Variants in PCDHA2 observed in about 807,000 individuals in gnomAD.
The protein encoded by PCDHA2 is protocadherin alpha-2.
A neutral mutation model predicts 66.0 loss-of-function variants in PCDHA2; 58 were observed. The ratio of observed to expected loss-of-function variants is 0.88; its 90% confidence interval spans 0.71 to 1.09. The LOEUF (loss-of-function observed/expected upper bound fraction) is 1.09. Ranked by LOEUF, PCDHA2 falls within the 50% of genes least tolerant of loss-of-function variation. The pLI is 0.00. For missense variants in PCDHA2, 1,267 were observed against 1,242.3 expected (o/e 1.02, Z -0.30); for synonymous variants, 634 against 554.0 (o/e 1.14, Z -2.03).
intron 1 of PCDHA2, among the ~76,000 whole-genome samples, chr5:140,925,482 A>G (rs1238702660): frequency 2.0e-5 from 3 of 152,088 alleles, no homozygotes; most frequent in Admixed American, 6.6e-5. Flanking sequence ...TTCTCATAGA[A>G]CTGATCACTG....
In PCDHA2 at chr5:140,857,433, T is replaced by C. The variant is rs2044590478; in HGVS notation, c.2388+60081T>C. On this transcript the variant is annotated intron_variant, in intron 1 of 3. Transcript: ENST00000526136. ...TTCGCGCAGTCCGAGTACACGGTGTTCGTGAAGGAGAACAACCCGCCAGGC... is the reference window on the plus strand; with the variant it reads ...TTCGCGCAGTCCGAGTACACGGTGTCCGTGAAGGAGAACAACCCGCCAGGC... 2.5e-6 allele frequency: 4 copies of C among 1,598,232 alleles called. 1 individual carries two copies. Among genetic ancestry groups the C allele is most frequent in the Non-Finnish European group, 3.4e-6 (4 of 1,167,768 alleles).
Position 140,843,333 on chromosome 5 carries a change from A to G in PCDHA2, c.2388+45981A>G, listed in dbSNP as rs2150357637. 2.5e-6 allele frequency: 4 copies of G among 1,596,000 alleles called. No homozygotes were observed. The Admixed American group carries it at 5.1e-5, about 20-fold the overall frequency. ...GCCACGGTTCTGGTGTCGCTGGTGG[A>G]GAGCGGCCAGGCTCCAAAAGCGTCA... On this transcript the variant is annotated intron_variant, in intron 1 of 3. Transcript: ENST00000526136.
chr5:140,944,316 T>C lies in PCDHA2; in HGVS notation c.2389-34633T>C, dbSNP rs140163712. On this transcript the variant is annotated intron_variant, in intron 1 of 3. Coordinates refer to ENST00000526136, the MANE Select transcript of PCDHA2 (RefSeq NM_018905.3). ...GATCCTCCTACCTCAGCCTCCTGAG[T>C]AGCTGGGATTACAAGCACGTGCCAC... 4.3e-3 allele frequency among the ~76,000 whole-genome samples: 654 copies of C among 152,070 alleles called. 5 individuals carry two copies. The highest frequency in any genetic ancestry group is 5.5e-3 in the Non-Finnish European group (376 of 67,970).
chr5:140,878,313 AT>A (rs2057535405), intron 1 of PCDHA2, among the ~76,000 whole-genome samples: 1 of 152,186 alleles, frequency 6.6e-6, no homozygotes, highest in Non-Finnish European at 1.5e-5. Flanking sequence ...CAATCTAGAC[AT>A]TTTCACATTA....
chr5:140,847,731 T>C lies in PCDHA2; in HGVS notation c.2388+50379T>C, dbSNP rs1031856254. ...GTATAAATGCTACAAAAGAGAAAAA[T>C]ATATTTTCTCCCCACGCAACACAAG... On this transcript the variant is annotated intron_variant, in intron 1 of 3. Coordinates refer to ENST00000526136, the MANE Select transcript of PCDHA2 (RefSeq NM_018905.3). 2.7e-5 allele frequency: 4 copies of C among 149,230 alleles called. No homozygotes were observed. The East Asian group carries it at 7.8e-4, about 29-fold the overall frequency. The allele number at this position is 149,230 out of a possible 1,614,324, so 9.2% of individuals were successfully genotyped here. A position where few individuals can be genotyped will look rare whatever the true frequency, so the allele number is the denominator to read the frequency against.
At chr5:140,869,694 G>T (rs782372405) in intron 1 of PCDHA2, 8 of 1,613,394 alleles carry the variant, frequency 5.0e-6, no homozygotes, top group Non-Finnish European at 6.8e-6. Context: ...TTATTTTAAA[G>T]AAGTCTCTGG....
chr5:140,814,184 T>C (rs1765454808), intron 1 of PCDHA2: 1 of 152,684 alleles, frequency 6.5e-6, no homozygotes, highest in Admixed American at 6.5e-5. Context: ...TTTTGACTTT[T>C]AATTTTTTTA....
chr5:140,840,412 A>G (rs1776685297), intron 1 of PCDHA2, among the ~76,000 whole-genome samples: 3 of 151,982 alleles, frequency 2.0e-5, no homozygotes, highest in Non-Finnish European at 4.4e-5. Flanking sequence ...GAATACTTCA[A>G]ATAATAGGCT....
intron 1 of PCDHA2, chr5:140,870,786 G>T: frequency 6.2e-7 from 1 of 1,613,634 alleles, no homozygotes; most frequent in East Asian, 2.2e-5. Context: ...ACGACAACGC[G>T]CCGGCACTGC....
intron 1 of PCDHA2, chr5:140,842,083 C>T (rs2150328949): frequency 1.3e-4 from 212 of 1,613,806 alleles, no homozygotes; most frequent in East Asian, 1.3e-3. Context: ...TATTCGAAAA[C>T]GCAGACAACG....
intron 1 of PCDHA2, among the ~76,000 whole-genome samples, chr5:140,910,738 C>G (rs2075147470): frequency 6.6e-6 from 1 of 152,098 alleles, no homozygotes; most frequent in Non-Finnish European, 1.5e-5. Context: ...GCTAACCAAG[C>G]ACATAAATTA....
intron 1 of PCDHA2, chr5:140,812,676 C>G (rs782182671): frequency 6.6e-6 from 1 of 152,162 alleles, no homozygotes; most frequent in Non-Finnish European, 1.5e-5. Context: ...TACAGAGGCA[C>G]GATCATAGCT....
At chr5:140,807,903 C>T (rs782791250) in intron 1 of PCDHA2, 3 of 1,614,014 alleles carry the variant, frequency 1.9e-6, no homozygotes, top group East Asian at 2.2e-5. Context: ...AATGACAATG[C>T]CCCAGCTTTT....
rs782810123 is a variant in PCDHA2, at chr5:140,876,271, T to C, written c.2388+78919T>C. 1.9e-6 allele frequency: 3 copies of C among 1,613,926 alleles called. No individual in the cohort carries two copies. In the African/African-American group the frequency reaches 4.0e-5, roughly 22 times the overall value. On this transcript the variant is annotated intron_variant, in intron 1 of 3. Coordinates refer to ENST00000526136, the MANE Select transcript of PCDHA2 (RefSeq NM_018905.3). ...CACAAGAGTGATCCAACTAAATGCTTCCGATCCAGACGAAGGACTTAATGG... is the reference window on the plus strand; with the variant it reads ...CACAAGAGTGATCCAACTAAATGCTCCCGATCCAGACGAAGGACTTAATGG...
intron 3 of PCDHA2, among the ~76,000 whole-genome samples, chr5:140,984,456 C>T (rs545706582): frequency 8.5e-5 from 13 of 152,286 alleles, no homozygotes; most frequent in African/African-American, 3.1e-4. Context: ...TTCTTACTGT[C>T]CCAGCCCCTC....
intron 1 of PCDHA2, chr5:140,851,594 A>T (rs1554145464): frequency 1.1e-6 from 1 of 917,164 alleles, no homozygotes; most frequent in African/African-American, 1.8e-5. Context: ...TTTGAAATTC[A>T]GTTTACAGAA....
intron 1 of PCDHA2, among the ~76,000 whole-genome samples, chr5:140,919,522 C>CT (rs1554199133): frequency 6.6e-6 from 1 of 152,000 alleles, no homozygotes; most frequent in African/African-American, 2.4e-5. Context: ...TTTTAATTCT[C>CT]TTTTTTTCCT....
chr5:140,857,483 T>C lies in PCDHA2; in HGVS notation c.2388+60131T>C, dbSNP rs781790244. 2.8e-5 allele frequency: 44 copies of C among 1,598,450 alleles called. 2 individuals carry two copies. Among genetic ancestry groups the C allele is most frequent in the Non-Finnish European group, 3.2e-5 (37 of 1,167,868 alleles). On this transcript the variant is annotated intron_variant, in intron 1 of 3. Transcript: ENST00000526136. ...CTGCCACATCTTCACGGTGTCTGCG[T>C]GGGACGCGGACGCGCAGGAGAACGC...
intron 3 of PCDHA2, among the ~76,000 whole-genome samples, chr5:140,998,569 G>GT (rs71574497): frequency 0.37 from 55,088 of 149,258 alleles, 10,597 homozygotes; most frequent in African/African-American, 0.48. Flanking sequence ...TTGTAAATAA[G>GT]TTTTTTTTTT....
Sources: allele counts gnomAD v4.1 joint callset (sites outside exome capture counted in the v4.1 genomes callset), GRCh38; gene constraint gnomAD v4.1.1; transcripts MANE v1.5; gene names NCBI Gene and HGNC (gene_info 2026-07-23, HGNC 2026-07-21).